TMEM59: variants seen among roughly 807,000 people sequenced by gnomAD.
TMEM59 encodes dendritic cell factor 1.
Under a neutral mutation model 42.2 loss-of-function variants are expected in TMEM59, and 44 were observed. The ratio of observed to expected loss-of-function variants is 1.04; its 90% confidence interval spans 0.82 to 1.34. The LOEUF is 1.34. Ranked by LOEUF, TMEM59 falls within the 40% of genes most tolerant of loss-of-function variation. TMEM59 has a pLI of 0.00. For synonymous variants in TMEM59, 148 were observed against 145.8 expected (o/e 1.02, Z -0.11); for missense variants, 359 against 382.8 (o/e 0.94, Z 0.52).
At chr1:54,042,772 G>A (rs1462675509) in intron 4 of TMEM59, among the ~76,000 whole-genome samples, 1 of 152,116 alleles carries the variant, frequency 6.6e-6, no homozygotes, top group African/African-American at 2.4e-5. Flanking sequence ...CCGTGAAACT[G>A]CAACAAGTTA....
At chr1:54,045,256 AC>A (rs1657291138) in intron 3 of TMEM59, among the ~76,000 whole-genome samples, 1 of 152,204 alleles carries the variant, frequency 6.6e-6, no homozygotes, top group South Asian at 2.1e-4. Flanking sequence ...AAAAATCTGG[AC>A]ACAGCAAAGG....
At chr1:54,053,502 G>A (rs1657665051), upstream of TMEM59, 1 of 313,730 alleles carries the variant, frequency 3.2e-6, no homozygotes, top group South Asian at 5.6e-5. Flanking sequence ...GGAGGCGCAC[G>A]GTGCTGTCGG....
At chr1:54,041,081 T>A (rs970590783) in intron 5 of TMEM59, among the ~76,000 whole-genome samples, 1 of 152,342 alleles carries the variant, frequency 6.6e-6, no homozygotes. Context: ...CTTAATTACA[T>A]GTGAGCTTGG....
rs1478875344 is a variant in TMEM59, at chr1:54,028,197, TG to T, written c.*3952del. 2 of 152,184 alleles carry T rather than the reference TG, an allele frequency of 1.3e-5. No individual in the cohort carries two copies. The highest frequency in any genetic ancestry group is 2.4e-5 in the African/African-American group (1 of 41,446). 9.4% of individuals were successfully genotyped at this position (152,184 alleles called of 1,614,324 possible). A position where few individuals can be genotyped will look rare whatever the true frequency, so the allele number is the denominator to read the frequency against. On this transcript the variant is annotated 3_prime_UTR_variant, in exon 8 of 8. Transcript: ENST00000234831. ...TTGCTCAAACATTCTGTTGCCAGGC[TG>T]TGACCAGGACTCAGAGACCAGTCCT...
At chr1:54,052,466 A>G (rs894461652) in intron 1 of TMEM59, among the ~76,000 whole-genome samples, 2 of 152,164 alleles carry the variant, frequency 1.3e-5, no homozygotes, top group African/African-American at 2.4e-5. Flanking sequence ...GGCAGACAGC[A>G]TTCCTGAGCG....
rs375334963 is a variant in TMEM59 at position 54,032,342 on chromosome 1, T to C, written c.817-37A>G. 72 of 1,500,166 alleles carry C rather than the reference T, an allele frequency of 4.8e-5. No individual in the cohort carries two copies. The African/African-American group carries it at 8.5e-4, about 18-fold the overall frequency. The allele number at this position is 1,500,166 out of a possible 1,614,324, so 92.9% of individuals were successfully genotyped here. A position where few individuals can be genotyped will look rare whatever the true frequency, so the allele number is the denominator to read the frequency against. On this transcript the variant is annotated intron_variant, in intron 7 of 7. Coordinates refer to ENST00000234831, the MANE Select transcript of TMEM59 (RefSeq NM_004872.5). ...AACCAATGTACATTAGTAGTCTGGA[T>C]AATTAGGAACCTCTCCAAGTTAGTC...
intron 3 of TMEM59, 198 bp downstream of exon 3, chr1:54,045,494 A>C: frequency 4.0e-6 from 2 of 502,636 alleles, no homozygotes; most frequent in Middle Eastern, 3.4e-4. Flanking sequence ...TATGAACGTA[A>C]GCATAACTTT....
In TMEM59 at chr1:54,031,220, C is replaced by T. The variant is rs1656758343; in HGVS notation, c.*930G>A. On this transcript the variant is annotated 3_prime_UTR_variant, in exon 8 of 8. Coordinates refer to ENST00000234831, the MANE Select transcript of TMEM59 (RefSeq NM_004872.5). ...GAGCCAAGATCATACCATTGCACTC[C>T]AGCCTCAGCAACAAGAGCAAAATTC... 6.6e-6 allele frequency: 1 copy of T among 152,188 alleles called. No homozygotes were observed. Among genetic ancestry groups the T allele is most frequent in the Admixed American group, 6.5e-5 (1 of 15,280 alleles). The allele number at this position is 152,188 out of a possible 1,614,324, so 9.4% of individuals were successfully genotyped here. A position where few individuals can be genotyped will look rare whatever the true frequency, so the allele number is the denominator to read the frequency against.
At chr1:54,046,154 T>C (rs1315836651) in intron 2 of TMEM59, among the ~76,000 whole-genome samples, 1 of 152,214 alleles carries the variant, frequency 6.6e-6, no homozygotes, top group Non-Finnish European at 1.5e-5. Context: ...CTGAGCAGTT[T>C]AACCTCTGAC....
chr1:54,048,004 A>G (rs1269094926), intron 1 of TMEM59: 1 of 152,606 alleles, frequency 6.6e-6, no homozygotes, highest in Non-Finnish European at 1.5e-5. Flanking sequence ...CAACGGTGAT[A>G]TAACTAGAAC....
Position 54,030,158 on chromosome 1 carries a change from GA to G in TMEM59, c.*1991del, listed in dbSNP as rs1415671270. The stretch of plus-strand genomic sequence containing the variant: ...CAGTTGCTTTAAAAAAAAAAAAAAA[GA>G]TGGGATTCTCATTATATTGCCCAGG... On this transcript the variant is annotated 3_prime_UTR_variant, in exon 8 of 8. Transcript: ENST00000234831. 1 of 150,836 alleles carries G rather than the reference GA, an allele frequency of 6.6e-6. No individual in the cohort carries two copies. The highest frequency in any genetic ancestry group is 2.4e-5 in the African/African-American group (1 of 41,098). The allele number at this position is 150,836 out of a possible 1,614,324, so 9.3% of individuals were successfully genotyped here. A position where few individuals can be genotyped will look rare whatever the true frequency, so the allele number is the denominator to read the frequency against.
chr1:54,036,952 C>A, intron 6 of TMEM59: 1 of 287,274 alleles, frequency 3.5e-6, no homozygotes, highest in Non-Finnish European at 6.5e-6. Context: ...ATGGCTATAT[C>A]ACTTTTGTAA....
At chr1:54,032,926 T>C (rs75591775) in intron 7 of TMEM59, among the ~76,000 whole-genome samples, 10 of 143,846 alleles carry the variant, frequency 7.0e-5, no homozygotes, top group East Asian at 6.0e-4. Context: ...CTCTGTCTCT[T>C]TTTTTTTTTT....
intron 1 of TMEM59, among the ~76,000 whole-genome samples, chr1:54,052,129 G>C (rs1657563997): frequency 6.6e-6 from 1 of 152,034 alleles, no homozygotes; most frequent in Admixed American, 6.6e-5. Context: ...CGTGGGGGAG[G>C]GCATATACTC....
intron 1 of TMEM59, among the ~76,000 whole-genome samples, chr1:54,051,483 A>C (rs1657537126): frequency 6.6e-6 from 1 of 152,234 alleles, no homozygotes; most frequent in Non-Finnish European, 1.5e-5. Flanking sequence ...TATAACACCA[A>C]TTGTTAGAAA....
intron 1 of TMEM59, among the ~76,000 whole-genome samples, chr1:54,049,143 G>A (rs562912264): frequency 2.6e-5 from 4 of 152,268 alleles, no homozygotes; most frequent in African/African-American, 7.2e-5. Context: ...GAAAAGAGCC[G>A]AGGTTTCAGG....
intron 1 of TMEM59, among the ~76,000 whole-genome samples, chr1:54,049,481 T>C (rs1283630641): frequency 1.3e-5 from 2 of 152,200 alleles, no homozygotes; most frequent in Admixed American, 1.3e-4. Flanking sequence ...ACTCAACTGG[T>C]AGCTATCAAG....
chr1:54,030,567 A>T lies in TMEM59; in HGVS notation c.*1583T>A, dbSNP rs536052501. 1 of 152,382 alleles carries T rather than the reference A, an allele frequency of 6.6e-6. No individual in the cohort carries two copies. The highest frequency in any genetic ancestry group is 2.1e-4 in the South Asian group (1 of 4,824). The allele number at this position is 152,382 out of a possible 1,614,324, so 9.4% of individuals were successfully genotyped here. On this transcript the variant is annotated 3_prime_UTR_variant, in exon 8 of 8. Coordinates refer to ENST00000234831, the MANE Select transcript of TMEM59 (RefSeq NM_004872.5). ...TTTGGCCTCCCAAAGTGCTGGGATT[A>T]CAGGCGTGAGCCACTGTGCCTGGCT...
At chr1:54,039,662 T>C (rs1451887306) in intron 6 of TMEM59, among the ~76,000 whole-genome samples, 1 of 152,232 alleles carries the variant, frequency 6.6e-6, no homozygotes, top group Non-Finnish European at 1.5e-5. Context: ...TTTGGACTAC[T>C]GCAGTTTTAT....
Sources: gnomAD v4.1 joint callset for allele counts (sites outside exome capture counted in the v4.1 genomes callset) on GRCh38, gnomAD v4.1.1 for gene constraint, MANE v1.5 for transcripts, NCBI Gene and HGNC (gene_info 2026-07-23, HGNC 2026-07-21) for gene names.